NTRK2: variants seen among roughly 807,000 people sequenced by gnomAD.
NTRK2 encodes the protein neurotrophic receptor tyrosine kinase 2.
NTRK2 carries 13 observed loss-of-function variants against 94.5 expected under a neutral mutation model. That is an observed-to-expected ratio of 0.14 (90% CI 0.09 to 0.22). The LOEUF (loss-of-function observed/expected upper bound fraction) is 0.22, where lower values mean the gene tolerates loss of function less well. Among genes scored for constraint, NTRK2 ranks in the 10% least tolerant of loss-of-function variants. NTRK2 has a pLI of 1.00. For synonymous variants in NTRK2, 372 were observed against 407.4 expected (o/e 0.91, Z 1.05); for missense variants, 639 against 1,071.2 (o/e 0.60, Z 5.63).
chr9:84,917,970 C>G (rs1257311729), intron 14 of NTRK2, among the ~76,000 whole-genome samples: 2 of 152,154 alleles, frequency 1.3e-5, no homozygotes, highest in East Asian at 3.9e-4. Flanking sequence ...TGTGAGGTGT[C>G]TGGGTGTGCC....
chr9:84,963,811 T>A (rs1825236803), intron 17 of NTRK2, among the ~76,000 whole-genome samples: 2 of 152,242 alleles, frequency 1.3e-5, no homozygotes, highest in Admixed American at 1.3e-4. Flanking sequence ...TGTTTCATTT[T>A]GGATAGTTTT....
intron 12 of NTRK2, among the ~76,000 whole-genome samples, chr9:84,835,920 A>C (rs1374888495): frequency 6.6e-6 from 1 of 152,228 alleles, no homozygotes; most frequent in Non-Finnish European, 1.5e-5. Flanking sequence ...AAGACAGAAC[A>C]GCTCCAGAAA....
chr9:84,970,452 A>G (rs1019758605), intron 17 of NTRK2, among the ~76,000 whole-genome samples: 4 of 152,194 alleles, frequency 2.6e-5, no homozygotes, highest in Non-Finnish European at 5.9e-5. Context: ...GAGATGTGGT[A>G]AGGATTAAGT....
At chr9:84,839,045 A>G (rs2074030783) in intron 12 of NTRK2, among the ~76,000 whole-genome samples, 1 of 152,152 alleles carries the variant, frequency 6.6e-6, no homozygotes, top group African/African-American at 2.4e-5. Context: ...CACTTTCTTT[A>G]TGACTATAGT....
intron 12 of NTRK2, among the ~76,000 whole-genome samples, chr9:84,767,492 G>T (rs2132754228): frequency 6.6e-6 from 1 of 152,262 alleles, no homozygotes; most frequent in Non-Finnish European, 1.5e-5. Context: ...ATAGTACTTT[G>T]CCGTCTTTGT....
At chr9:85,010,288 C>T (rs1156854410) in intron 17 of NTRK2, among the ~76,000 whole-genome samples, 1 of 152,198 alleles carries the variant, frequency 6.6e-6, no homozygotes, top group African/African-American at 2.4e-5. Flanking sequence ...CATCATAACA[C>T]AGACAATGAC....
intron 17 of NTRK2, among the ~76,000 whole-genome samples, chr9:84,968,878 T>C (rs1174074181): frequency 2.0e-5 from 3 of 151,340 alleles, no homozygotes; most frequent in Non-Finnish European, 4.4e-5. Flanking sequence ...GCAAGGATGC[T>C]CTATTGAGTA....
At chr9:84,843,716 A>G (rs1045293336) in intron 12 of NTRK2, among the ~76,000 whole-genome samples, 3 of 152,202 alleles carry the variant, frequency 2.0e-5, no homozygotes, top group Admixed American at 6.5e-5. Context: ...GCTTTATGCT[A>G]TGCACTATGT....
At chr9:84,920,586 G>C (rs973461809) in intron 14 of NTRK2, among the ~76,000 whole-genome samples, 13 of 152,112 alleles carry the variant, frequency 8.5e-5, no homozygotes, top group African/African-American at 3.1e-4. Flanking sequence ...CTCTACTGCT[G>C]ACTCCACTAC....
chr9:84,954,821 G>A (rs1053531954), intron 16 of NTRK2, among the ~76,000 whole-genome samples: 1 of 152,198 alleles, frequency 6.6e-6, no homozygotes, highest in Non-Finnish European at 1.5e-5. Context: ...CTGGCTAGGT[G>A]GGAAGGGGTG....
intron 12 of NTRK2, among the ~76,000 whole-genome samples, chr9:84,802,599 AG>A (rs1177737329): frequency 1.3e-5 from 2 of 152,214 alleles, no homozygotes; most frequent in African/African-American, 2.4e-5. Flanking sequence ...CTGACAGCAG[AG>A]GCTTCTAGAA....
chr9:84,754,453 G>A lies in NTRK2; in HGVS notation c.1396+2368G>A, dbSNP rs577941916. Among the ~76,000 whole-genome samples, 8 of 152,132 alleles carry A rather than the reference G, an allele frequency of 5.3e-5. No individual in the cohort carries two copies. In the South Asian group the frequency reaches 1.5e-3, roughly 28 times the overall value. On this transcript the variant is annotated intron_variant, in intron 12 of 18. Coordinates refer to ENST00000277120, the MANE Select transcript of NTRK2 (RefSeq NM_006180.6). ...TTTGGGGATCTAGAAATTAAGATAT[G>A]GTTCATGTATCAAGTGCAGATGAAA... is the stretch of plus-strand genomic sequence containing the variant.
At chr9:85,009,421 C>T (rs1212957406) in intron 17 of NTRK2, among the ~76,000 whole-genome samples, 1 of 152,312 alleles carries the variant, frequency 6.6e-6, no homozygotes, top group East Asian at 1.9e-4. Flanking sequence ...ACAGTGACTT[C>T]CCTAACACTG....
intron 17 of NTRK2, among the ~76,000 whole-genome samples, chr9:85,014,819 A>G (rs1233974331): frequency 6.6e-6 from 1 of 152,254 alleles, no homozygotes; most frequent in East Asian, 1.9e-4. Flanking sequence ...TATTTTAACT[A>G]GAACGCAGTT....
intron 12 of NTRK2, chr9:84,810,932 G>T: frequency 8.6e-7 from 1 of 1,159,116 alleles, no homozygotes; most frequent in East Asian, 3.8e-5. Flanking sequence ...GACCCTACTG[G>T]ACATTTATTG....
chr9:85,016,362 G>A (rs1258811247), intron 17 of NTRK2, among the ~76,000 whole-genome samples: 1 of 152,108 alleles, frequency 6.6e-6, no homozygotes, highest in East Asian at 1.9e-4. Flanking sequence ...CTTGCACCAG[G>A]TCAACCTGGT....
intron 14 of NTRK2, among the ~76,000 whole-genome samples, chr9:84,882,213 C>A (rs910074579): frequency 4.6e-5 from 7 of 151,404 alleles, no homozygotes; most frequent in African/African-American, 1.7e-4. Flanking sequence ...CACACACACA[C>A]TGACCCACAA....
chr9:84,945,279 CGT>C (rs1287982716), intron 15 of NTRK2, among the ~76,000 whole-genome samples: 16 of 152,272 alleles, frequency 1.1e-4, no homozygotes, highest in African/African-American at 2.9e-4. Flanking sequence ...TCACAAACTT[CGT>C]GTATCAGGGG....
At chr9:84,678,896 T>C (rs1193989076) in intron 2 of NTRK2, among the ~76,000 whole-genome samples, 1 of 152,238 alleles carries the variant, frequency 6.6e-6, no homozygotes, top group East Asian at 1.9e-4. Flanking sequence ...GTGCTATGGC[T>C]TGAATGTTTG....
Sources: allele counts gnomAD v4.1 joint callset (sites outside exome capture counted in the v4.1 genomes callset), GRCh38; gene constraint gnomAD v4.1.1; transcripts MANE v1.5; gene names NCBI Gene and HGNC (gene_info 2026-07-23, HGNC 2026-07-21).